HEMK2: variants seen among roughly 807,000 people sequenced by gnomAD.
HEMK2 encodes the protein HemK methyltransferase 2, ETF1 glutamine and histone H4 lysine.
chr21:28,877,757 T>C, the HEMK2 span, among the ~76,000 whole-genome samples: 2 of 152,098 alleles, frequency 1.3e-5, no homozygotes, highest in Non-Finnish European at 2.9e-5. Context: ...AAGATTATGG[T>C]CAATTTAGTT....
chr21:28,743,807 T>C, the HEMK2 span, among the ~76,000 whole-genome samples: 2 of 152,308 alleles, frequency 1.3e-5, no homozygotes, highest in African/African-American at 4.8e-5. Flanking sequence ...TGCAAATGTG[T>C]CTGGTAGCTA....
chr21:28,871,147 G>C, the HEMK2 span, among the ~76,000 whole-genome samples: 4 of 152,148 alleles, frequency 2.6e-5, no homozygotes, highest in Non-Finnish European at 4.4e-5. Flanking sequence ...TTTTAGTAAA[G>C]TGTAAACCTT....
the HEMK2 span, chr21:28,872,385 T>A: frequency 3.3e-5 from 5 of 152,182 alleles, no homozygotes; most frequent in Non-Finnish European, 7.3e-5. Flanking sequence ...CTGAGCCACA[T>A]TGATTTATTT....
the HEMK2 span, among the ~76,000 whole-genome samples, chr21:28,879,079 T>C: frequency 8.1e-6 from 1 of 123,802 alleles, no homozygotes; most frequent in Non-Finnish European, 1.6e-5. Context: ...GTAGATTGTT[T>C]CTTTTTTTTT....
the HEMK2 span, among the ~76,000 whole-genome samples, chr21:28,816,680 T>C: frequency 6.6e-6 from 1 of 152,238 alleles, no homozygotes; most frequent in East Asian, 1.9e-4. Context: ...GCCCTGTCTC[T>C]TAAAAAAATT....
chr21:28,790,118 T>C, the HEMK2 span, among the ~76,000 whole-genome samples: 4 of 152,214 alleles, frequency 2.6e-5, no homozygotes, highest in African/African-American at 4.8e-5. Flanking sequence ...ATATAGTTTA[T>C]TTACAGAAAT....
At chr21:28,748,341 T>C in the HEMK2 span, among the ~76,000 whole-genome samples, 1 of 152,364 alleles carries the variant, frequency 6.6e-6, no homozygotes, top group Non-Finnish European at 1.5e-5. Context: ...AATAATGATA[T>C]TCACCTTTTA....
the HEMK2 span, among the ~76,000 whole-genome samples, chr21:28,725,038 C>T: frequency 6.6e-6 from 1 of 152,138 alleles, no homozygotes; most frequent in East Asian, 1.9e-4. Context: ...CCCTCCTTGA[C>T]CTCCCAAAGT....
chr21:28,864,856 T>TGG, the HEMK2 span, among the ~76,000 whole-genome samples: 351 of 136,466 alleles, frequency 2.6e-3, 1 homozygote, highest in African/African-American at 5.8e-3. Context: ...GATAGATAGA[T>TGG]AGATAGATAG....
the HEMK2 span, among the ~76,000 whole-genome samples, chr21:28,676,985 G>A: frequency 6.6e-6 from 1 of 152,164 alleles, no homozygotes; most frequent in Non-Finnish European, 1.5e-5. Context: ...GCAAAAGATG[G>A]GTGATTTCTG....
chr21:28,753,356 C>CA, the HEMK2 span, among the ~76,000 whole-genome samples: 15,016 of 116,916 alleles, frequency 0.13, 1,068 homozygotes, highest in East Asian at 0.29. Flanking sequence ...GACTCTGTCT[C>CA]AAAAAAAAAA....
the HEMK2 span, among the ~76,000 whole-genome samples, chr21:28,838,749 G>A: frequency 6.6e-6 from 1 of 150,752 alleles, no homozygotes; most frequent in African/African-American, 2.4e-5. Context: ...AGACCAGCCT[G>A]ACCAACATGG....
the HEMK2 span, among the ~76,000 whole-genome samples, chr21:28,825,934 A>G: frequency 6.6e-6 from 1 of 152,242 alleles, no homozygotes; most frequent in Non-Finnish European, 1.5e-5. Context: ...TAAGGAAAGA[A>G]AGCACACATG....
At chr21:28,770,358 G>T in the HEMK2 span, among the ~76,000 whole-genome samples, 8 of 152,010 alleles carry the variant, frequency 5.3e-5, no homozygotes, top group South Asian at 2.1e-4. Flanking sequence ...TTCCCTCTGG[G>T]CTCTTCTTAG....
At chr21:28,864,420 A>G in the HEMK2 span, among the ~76,000 whole-genome samples, 1 of 44,012 alleles carries the variant, frequency 2.3e-5, no homozygotes. Flanking sequence ...AGCATTTAAG[A>G]TGTATGTCCA....
chr21:28,722,306 A>G, the HEMK2 span, among the ~76,000 whole-genome samples: 2 of 152,218 alleles, frequency 1.3e-5, no homozygotes, highest in African/African-American at 2.4e-5. Context: ...AAGAGATAGC[A>G]TACAGTGAAG....
chr21:28,661,625 T>C, the HEMK2 span, among the ~76,000 whole-genome samples: 2 of 152,040 alleles, frequency 1.3e-5, no homozygotes, highest in Admixed American at 1.3e-4. Context: ...TTGTATTTCA[T>C]TTCCTGGTTC....
At chr21:28,599,847 G>A in the HEMK2 span, among the ~76,000 whole-genome samples, 1 of 152,004 alleles carries the variant, frequency 6.6e-6, no homozygotes, top group Admixed American at 6.6e-5. Context: ...CAAAACAAAG[G>A]GGCTACAGAG....
At chr21:28,869,494 T>A in the HEMK2 span, among the ~76,000 whole-genome samples, 2 of 152,236 alleles carry the variant, frequency 1.3e-5, no homozygotes, top group Non-Finnish European at 2.9e-5. Context: ...GAAAGAATTA[T>A]AAGAACCACT....
Sources: gnomAD v4.1 joint callset for allele counts (sites outside exome capture counted in the v4.1 genomes callset) on GRCh38, gnomAD v4.1.1 for gene constraint, MANE v1.5 for transcripts, NCBI Gene and HGNC (gene_info 2026-07-23, HGNC 2026-07-21) for gene names.